Variants in C3orf20 observed in about 807,000 individuals in gnomAD.
C3orf20 encodes uncharacterized protein C3orf20.
A neutral mutation model predicts 88.3 loss-of-function variants in C3orf20; 76 were observed. That is an observed-to-expected ratio of 0.86 (90% CI 0.72 to 1.04). The LOEUF (loss-of-function observed/expected upper bound fraction) is 1.04. Among genes scored for constraint, C3orf20 ranks in the 50% least tolerant of loss-of-function variants. The probability of loss-of-function intolerance (pLI) is 0.00; values close to 1 mark genes in which losing one functional copy is unlikely to be tolerated. For synonymous variants in C3orf20, 436 were observed against 437.4 expected, an observed-to-expected ratio of 1.00 and a Z score of 0.04; for missense variants, 1,056 against 1,123.3, an observed-to-expected ratio of 0.94 and a Z score of 0.86.
chr3:14,730,289 T>C (rs1460062711), intron 12 of C3orf20, among the ~76,000 whole-genome samples: 1 of 152,164 alleles, frequency 6.6e-6, no homozygotes, highest in Admixed American at 6.5e-5. Flanking sequence ...GGCCCACGCC[T>C]GTAATCCCAG....
At chr3:14,740,907 A>T (rs1418835350) in intron 12 of C3orf20, among the ~76,000 whole-genome samples, 1 of 152,172 alleles carries the variant, frequency 6.6e-6, no homozygotes, top group South Asian at 2.1e-4. Context: ...ATTTAATTGT[A>T]CATTTTAATC....
chr3:14,720,251 C>T (rs1205268784), intron 9 of C3orf20, among the ~76,000 whole-genome samples: 3 of 152,114 alleles, frequency 2.0e-5, no homozygotes, highest in African/African-American at 7.2e-5. Context: ...AGGATGGTCT[C>T]GATCTCCTGA....
At chr3:14,690,980 C>T (rs2032701065) in intron 5 of C3orf20, among the ~76,000 whole-genome samples, 1 of 152,222 alleles carries the variant, frequency 6.6e-6, no homozygotes, top group Non-Finnish European at 1.5e-5. Flanking sequence ...CCCTCACCTC[C>T]ATGTTGGTAA....
At chr3:14,689,717 T>C (rs550572591) in intron 4 of C3orf20, among the ~76,000 whole-genome samples, 13 of 152,026 alleles carry the variant, frequency 8.6e-5, no homozygotes, top group African/African-American at 2.9e-4. Flanking sequence ...CTTGGAGTAA[T>C]ATCACTTTTC....
At chr3:14,683,750 C>A (rs1273759866) in intron 3 of C3orf20, among the ~76,000 whole-genome samples, 1 of 151,988 alleles carries the variant, frequency 6.6e-6, no homozygotes, top group African/African-American at 2.4e-5. Context: ...GTGGTGCACA[C>A]CTGTAATCCC....
At chr3:14,677,969 G>GCCAACTTCAGTATTTTC (rs1559389131) in intron 1 of C3orf20, among the ~76,000 whole-genome samples, 1 of 150,718 alleles carries the variant, frequency 6.6e-6, no homozygotes, top group Non-Finnish European at 1.5e-5. Context: ...TCCTTTGTTT[G>GCCAACTTCAGTATTTTC]CCAACTTCAG....
chr3:14,751,289 G>C (rs1041420057), intron 12 of C3orf20, among the ~76,000 whole-genome samples: 4 of 152,186 alleles, frequency 2.6e-5, no homozygotes, highest in African/African-American at 9.7e-5. Context: ...CTGGTCTACA[G>C]CTCCCAGTGA....
intron 12 of C3orf20, among the ~76,000 whole-genome samples, chr3:14,740,297 C>A (rs1407035783): frequency 6.6e-6 from 1 of 151,994 alleles, no homozygotes; most frequent in Admixed American, 6.5e-5. Flanking sequence ...TAGGGAAGCC[C>A]AAGGAGATGG....
chr3:14,688,529 CAAAAAA>C (rs35979290), intron 4 of C3orf20, among the ~76,000 whole-genome samples: 151 of 105,844 alleles, frequency 1.4e-3, no homozygotes, highest in African/African-American at 5.6e-3. Flanking sequence ...GAGACTGTCT[CAAAAAA>C]AAAAAAAAAA....
chr3:14,713,739 G>A (rs139770669), intron 7 of C3orf20, among the ~76,000 whole-genome samples: 1 of 152,174 alleles, frequency 6.6e-6, no homozygotes, highest in African/African-American at 2.4e-5. Flanking sequence ...TTAGACCCAG[G>A]GGGACCCTAC....
intron 5 of C3orf20, among the ~76,000 whole-genome samples, chr3:14,696,797 T>A (rs1277961131): frequency 6.6e-6 from 1 of 152,040 alleles, no homozygotes; most frequent in East Asian, 1.9e-4. Flanking sequence ...ACCAGTGAGT[T>A]TTATACTAAC....
chr3:14,679,784 T>C (rs927085152), intron 1 of C3orf20, among the ~76,000 whole-genome samples: 1 of 152,208 alleles, frequency 6.6e-6, no homozygotes, highest in Non-Finnish European at 1.5e-5. Context: ...GGAAGAGATG[T>C]AAATATACAG....
rs562297592 is a variant in C3orf20, at chr3:14,709,221, T to C, written c.1160+4603T>C. Among the ~76,000 whole-genome samples the C allele has an allele frequency of 1.4e-4, 21 of 152,348 alleles. No homozygotes were observed. The South Asian group carries it at 4.3e-3, about 32-fold the overall frequency. On this transcript the variant is annotated intron_variant, in intron 7 of 16. Coordinates refer to ENST00000253697, the MANE Select transcript of C3orf20 (RefSeq NM_032137.5). ...TTTGTGTGTGTTGATCTTGTATCTG[T>C]AACTTTTCTAAATTTATTTGTTTGC...
Position 14,751,935 on chromosome 3 carries a change from C to T in C3orf20, c.1941-5436C>T, listed in dbSNP as rs370992151. Among the ~76,000 whole-genome samples the T allele has an allele frequency of 7.9e-5, 12 of 152,206 alleles. No individual in the cohort carries two copies. In the East Asian group the frequency reaches 1.5e-3, roughly 20 times the overall value. On this transcript the variant is annotated intron_variant, in intron 12 of 16. Coordinates refer to ENST00000253697, the MANE Select transcript of C3orf20 (RefSeq NM_032137.5). ...GATAATTTATACATTCAATGCTATC[C>T]CCATCAAGCTACCACTGACTTTCTT...
At chr3:14,729,656 C>T (rs2034472566) in intron 12 of C3orf20, among the ~76,000 whole-genome samples, 2 of 152,168 alleles carry the variant, frequency 1.3e-5, no homozygotes, top group African/African-American at 4.8e-5. Context: ...AAGCGATTCT[C>T]CTGCCTCAGC....
chr3:14,692,748 T>G (rs2032795778), intron 5 of C3orf20, among the ~76,000 whole-genome samples: 1 of 152,208 alleles, frequency 6.6e-6, no homozygotes, highest in Non-Finnish European at 1.5e-5. Context: ...TGATCTGATT[T>G]GTCCATTTTT....
At chr3:14,720,788 C>G (rs114059558) in intron 9 of C3orf20, among the ~76,000 whole-genome samples, 74 of 152,338 alleles carry the variant, frequency 4.9e-4, no homozygotes, top group African/African-American at 1.8e-3. Flanking sequence ...TTGACAATAT[C>G]TGCTCATGCT....
At chr3:14,732,173 G>GT (rs966143033) in intron 12 of C3orf20, among the ~76,000 whole-genome samples, 2 of 152,304 alleles carry the variant, frequency 1.3e-5, no homozygotes, top group African/African-American at 4.8e-5. Context: ...TTGGGGTTTG[G>GT]TTTTTTGCCA....
intron 4 of C3orf20, among the ~76,000 whole-genome samples, chr3:14,688,542 A>AAG (rs1553609758): frequency 6.6e-6 from 1 of 151,010 alleles, no homozygotes; most frequent in Non-Finnish European, 1.5e-5. Flanking sequence ...AAAAAAAAAA[A>AAG]AAAAGAAAAA....
Sources: gnomAD v4.1 joint callset for allele counts (sites outside exome capture counted in the v4.1 genomes callset) on GRCh38, gnomAD v4.1.1 for gene constraint, MANE v1.5 for transcripts, NCBI Gene and HGNC (gene_info 2026-07-23, HGNC 2026-07-21) for gene names.